The following PUDP variants were observed in gnomAD, a reference collection of about 807,000 sequenced individuals.
PUDP encodes pseudouridine-5'-phosphatase.
A neutral mutation model predicts 9.4 loss-of-function variants in PUDP; 8 were observed. That is an observed-to-expected ratio of 0.85 (90% CI 0.50 to 1.53). PUDP has a LOEUF of 1.53. Among genes scored for constraint, PUDP ranks in the 40% most tolerant of loss-of-function variants. The pLI, the probability that PUDP is intolerant of heterozygous loss-of-function variation, is 0.00. For missense variants in PUDP, 188 were observed against 189.7 expected (o/e 0.99, Z 0.05); for synonymous variants, 99 against 80.7 (o/e 1.23, Z -1.22).
chrX:6,752,699 G>C (rs756171344), intron 3 of PUDP, among the ~76,000 whole-genome samples: 2 of 110,672 alleles, frequency 1.8e-5, no homozygotes, highest in Non-Finnish European at 3.8e-5. Context: ...GGGAAGGATA[G>C]GAATGTTTCC....
At chrX:7,023,053 C>A (rs1242084570) in intron 1 of PUDP, among the ~76,000 whole-genome samples, 1 of 111,119 alleles carries the variant, frequency 9.0e-6, no homozygotes, top group Non-Finnish European at 1.9e-5. Context: ...TTTCCACCAG[C>A]CAGACTGAAA....
At chrX:6,733,770 CTTTTTT>C (rs3046297) in intron 3 of PUDP, among the ~76,000 whole-genome samples, 46 of 46,253 alleles carry the variant, frequency 9.9e-4, no homozygotes, top group African/African-American at 4.1e-3. Context: ...AAAGCAAAGC[CTTTTTT>C]TTTTTTTTTT....
intron 3 of PUDP, among the ~76,000 whole-genome samples, chrX:6,748,210 C>G (rs1337759965): frequency 1.8e-5 from 2 of 111,812 alleles, no homozygotes; most frequent in African/African-American, 3.3e-5. Flanking sequence ...GTCCAAATCA[C>G]CACACCTGTA....
At chrX:6,752,341 T>A (rs957507517) in intron 3 of PUDP, among the ~76,000 whole-genome samples, 1 of 111,281 alleles carries the variant, frequency 9.0e-6, no homozygotes, top group Non-Finnish European at 1.9e-5. Context: ...TTGCTGTATT[T>A]TCATCTGACA....
At chrX:7,105,535 G>T in intron 2 of PUDP, 85 bp downstream of exon 2, 1 of 655,202 alleles carries the variant, frequency 1.5e-6, no homozygotes, top group Non-Finnish European at 2.3e-6. Flanking sequence ...AACTAAGCAT[G>T]CCCTATGCTA....
intron 1 of PUDP, among the ~76,000 whole-genome samples, chrX:7,128,886 C>T (rs1277020374): frequency 8.9e-6 from 1 of 111,766 alleles, no homozygotes; most frequent in African/African-American, 3.3e-5. Flanking sequence ...AGGTGCTCAA[C>T]CCATAAATAA....
intron 1 of PUDP, among the ~76,000 whole-genome samples, chrX:7,115,114 G>C (rs1205675798): frequency 2.0e-4 from 23 of 112,352 alleles, no homozygotes; most frequent in African/African-American, 7.1e-4. Context: ...TTCAATGAAA[G>C]TTATGCACAG....
intron 1 of PUDP, among the ~76,000 whole-genome samples, chrX:7,031,109 C>G (rs930340880): frequency 9.0e-5 from 10 of 111,126 alleles, no homozygotes; most frequent in African/African-American, 3.0e-4. Flanking sequence ...AGAGGTCACT[C>G]TTGTTGTCAT....
upstream of PUDP, among the ~76,000 whole-genome samples, chrX:6,723,712 CAAAAA>C (rs947868247): frequency 9.1e-6 from 1 of 109,604 alleles, no homozygotes; most frequent in African/African-American, 3.3e-5. Flanking sequence ...CAAAACAAAA[CAAAAA>C]AACGCCTGAT....
intron 2 of PUDP, among the ~76,000 whole-genome samples, chrX:7,090,657 G>A (rs769542508): frequency 3.6e-5 from 4 of 111,959 alleles, no homozygotes; most frequent in Non-Finnish European, 7.5e-5. Context: ...GGACATTCAG[G>A]AAATGTCCAC....
intron 2 of PUDP, among the ~76,000 whole-genome samples, chrX:7,095,175 G>A (rs1488179072): frequency 8.9e-6 from 1 of 112,516 alleles, no homozygotes; most frequent in Non-Finnish European, 1.9e-5. Flanking sequence ...GGGCAGTAGA[G>A]CGCCGTGGCT....
intron 3 of PUDP, among the ~76,000 whole-genome samples, chrX:6,862,804 C>G (rs778399661): frequency 1.8e-5 from 2 of 110,949 alleles, no homozygotes; most frequent in Non-Finnish European, 3.8e-5. Flanking sequence ...CCAATGTTGG[C>G]TGATTATTAA....
intron 1 of PUDP, among the ~76,000 whole-genome samples, chrX:7,043,120 A>G (rs1207700788): frequency 8.9e-6 from 1 of 112,027 alleles, no homozygotes; most frequent in Admixed American, 9.5e-5. Flanking sequence ...TCCTTCAAGA[A>G]GTCCTGGGGC....
intron 3 of PUDP, among the ~76,000 whole-genome samples, chrX:6,744,100 T>C (rs1047962275): frequency 1.8e-5 from 2 of 111,976 alleles, no homozygotes; most frequent in Admixed American, 9.5e-5. Context: ...GGTATTTGTC[T>C]ACATGCTATT....
chrX:6,737,159 C>A (rs961657976), intron 3 of PUDP, among the ~76,000 whole-genome samples: 5 of 110,919 alleles, frequency 4.5e-5, no homozygotes, highest in Admixed American at 9.6e-5. Flanking sequence ...CAGCTACCAC[C>A]AAAAGCTGCA....
At chrX:6,934,417 C>T (rs1483818219) in intron 3 of PUDP, among the ~76,000 whole-genome samples, 1 of 109,831 alleles carries the variant, frequency 9.1e-6, no homozygotes, top group Non-Finnish European at 1.9e-5. Context: ...AAATACTTTA[C>T]AGAAAAGCAA....
chrX:6,736,555 T>C (rs1351551600), intron 3 of PUDP, among the ~76,000 whole-genome samples: 3 of 112,312 alleles, frequency 2.7e-5, no homozygotes, highest in Non-Finnish European at 5.6e-5. Flanking sequence ...TGCACACATA[T>C]GTTCATTGCA....
In PUDP at chrX:7,033,202, C is replaced by T. The variant is rs1368006425; in HGVS notation, c.204+44018G>A. ...ACCTTGGAATACAGACTGAAGGCTG[C>T]ACTGTTGGCTTCCCTACTTTTGAGG... On this transcript the variant is annotated intron_variant and NMD_transcript_variant, in intron 1 of 3. Coordinates refer to the PUDP transcript ENST00000655425. 2.7e-4 allele frequency among the ~76,000 whole-genome samples: 30 copies of T among 111,637 alleles called. No individual in the cohort carries two copies. In the Admixed American group the frequency reaches 2.9e-3, roughly 11 times the overall value.
chrX:6,978,496 G>A (rs1190107840), intron 1 of PUDP, among the ~76,000 whole-genome samples: 2 of 111,771 alleles, frequency 1.8e-5, no homozygotes, highest in African/African-American at 3.3e-5. Context: ...GTGTATCGTT[G>A]TCCAGATTGT....
Sources: gnomAD v4.1 joint callset for allele counts (sites outside exome capture counted in the v4.1 genomes callset) on GRCh38, gnomAD v4.1.1 for gene constraint, MANE v1.5 for transcripts, NCBI Gene and HGNC (gene_info 2026-07-23, HGNC 2026-07-21) for gene names.